The following TGFA variants were observed in gnomAD, a reference collection of about 807,000 sequenced individuals.
TGFA encodes the protein transforming growth factor alpha, also known as protransforming growth factor alpha.
A neutral mutation model predicts 21.7 loss-of-function variants in TGFA; 12 were observed. The observed-to-expected ratio is 0.55, with a 90% CI of 0.35 to 0.90. The LOEUF is 0.90. TGFA is among the 40% of genes least tolerant of loss of function. The pLI, the probability that TGFA is intolerant of heterozygous loss-of-function variation, is 0.01. For synonymous variants in TGFA, 79 were observed against 88.1 expected (o/e 0.90, Z 0.58); for missense variants, 178 against 210.8 (o/e 0.84, Z 0.96).
At chr2:70,476,111 A>AAAAAAG in intron 2 of TGFA, among the ~76,000 whole-genome samples, 1 of 148,708 alleles carries the variant, frequency 6.7e-6, no homozygotes, top group East Asian at 2.0e-4. Context: ...AAAAAAATTA[A>AAAAAAG]GAAAATTACA....
At chr2:70,450,918 T>A in intron 5 of TGFA, 52 bp from the exon 6 acceptor site, 8 of 1,591,324 alleles carry the variant, frequency 5.0e-6, no homozygotes, top group Non-Finnish European at 6.9e-6. Flanking sequence ...CCTGGCCACG[T>A]TGGGAAAATA....
rs1030744360 is a variant in TGFA, at chr2:70,515,026, G to C, written c.41-114C>G. On this transcript the variant is annotated intron_variant, in intron 1 of 5. Coordinates refer to ENST00000295400, the MANE Select transcript of TGFA (RefSeq NM_003236.4). ...CAAAGGTTCGGTAGTTTCACAGAGT[G>C]GCCGGTAGACAGGCTCAGCTACATA... The C allele has an allele frequency of 7.8e-6, 7 of 897,022 alleles. No homozygotes were observed. In the South Asian group the frequency reaches 1.1e-4, roughly 14 times the overall value. The allele number at this position is 897,022 out of a possible 1,614,324, so 55.6% of individuals were successfully genotyped here. A position where few individuals can be genotyped will look rare whatever the true frequency, so the allele number is the denominator to read the frequency against.
At chr2:70,523,191 C>T (rs1672530171) in intron 1 of TGFA, among the ~76,000 whole-genome samples, 1 of 152,124 alleles carries the variant, frequency 6.6e-6, no homozygotes. Context: ...TATTTTCCTA[C>T]CCTTAACTCA....
chr2:70,509,706 G>A (rs893711275), intron 2 of TGFA, among the ~76,000 whole-genome samples: 2 of 152,174 alleles, frequency 1.3e-5, no homozygotes, highest in African/African-American at 4.8e-5. Flanking sequence ...ATAGCAGATG[G>A]AAGCCTGGAG....
chr2:70,514,966 T>C, intron 1 of TGFA, 54 bp from the exon 2 acceptor site: 1 of 1,558,796 alleles, frequency 6.4e-7, no homozygotes, highest in Middle Eastern at 1.7e-4. Context: ...GCAAATGATG[T>C]CCTCAGACGC....
At chr2:70,455,907 A>ATGGTT (rs1407151378) in intron 4 of TGFA, among the ~76,000 whole-genome samples, 7 of 152,246 alleles carry the variant, frequency 4.6e-5, no homozygotes, top group Admixed American at 1.3e-4. Context: ...GATGGTCATC[A>ATGGTT]GCCTGTAACA....
chr2:70,499,549 A>G (rs1010679505), intron 2 of TGFA, among the ~76,000 whole-genome samples: 3 of 152,246 alleles, frequency 2.0e-5, no homozygotes, highest in Admixed American at 2.0e-4. Flanking sequence ...GGTGATTCTT[A>G]TGCCAACAGC....
chr2:70,486,219 T>C (rs1008535179), intron 2 of TGFA, among the ~76,000 whole-genome samples: 3 of 152,178 alleles, frequency 2.0e-5, no homozygotes, highest in African/African-American at 7.2e-5. Flanking sequence ...TAGACTTAGA[T>C]GGTGAAACAA....
intron 1 of TGFA, among the ~76,000 whole-genome samples, chr2:70,529,595 G>C (rs848963): frequency 0.39 from 54,848 of 141,992 alleles, 10,473 homozygotes; most frequent in Middle Eastern, 0.47. Flanking sequence ...GAATCCCCCC[G>C]CCCCAGTCCT....
At chr2:70,541,301 T>C (rs929306718) in intron 1 of TGFA, among the ~76,000 whole-genome samples, 2 of 152,264 alleles carry the variant, frequency 1.3e-5, no homozygotes, top group Admixed American at 1.3e-4. Flanking sequence ...TATATTTATA[T>C]GTTTGCCACA....
chr2:70,461,015 G>A (rs1553491405), intron 3 of TGFA, among the ~76,000 whole-genome samples: 1 of 152,114 alleles, frequency 6.6e-6, no homozygotes, highest in African/African-American at 2.4e-5. Flanking sequence ...GAGTCCAGTG[G>A]CTCTTGTCAT....
chr2:70,545,328 A>C (rs1257088651), intron 1 of TGFA, among the ~76,000 whole-genome samples: 1 of 152,228 alleles, frequency 6.6e-6, no homozygotes, highest in East Asian at 1.9e-4. Flanking sequence ...TTAAACTGCT[A>C]GTAGGGCAGA....
chr2:70,508,854 G>T (rs1435484683), intron 2 of TGFA, among the ~76,000 whole-genome samples: 1 of 152,190 alleles, frequency 6.6e-6, no homozygotes, highest in Non-Finnish European at 1.5e-5. Flanking sequence ...GTCTGTTAAG[G>T]TGTTGCAGCC....
chr2:70,513,039 G>A (rs1224178753), intron 2 of TGFA, among the ~76,000 whole-genome samples: 3 of 152,172 alleles, frequency 2.0e-5, no homozygotes, highest in Non-Finnish European at 2.9e-5. Context: ...TTATACCTCA[G>A]TTCTACCCAA....
intron 1 of TGFA, among the ~76,000 whole-genome samples, chr2:70,543,158 T>C (rs1332585704): frequency 2.6e-5 from 4 of 151,910 alleles, no homozygotes; most frequent in African/African-American, 7.3e-5. Context: ...CCTCTAAATA[T>C]CATCAAGAAA....
chr2:70,457,854 C>T, intron 3 of TGFA, among the ~76,000 whole-genome samples: 1 of 152,110 alleles, frequency 6.6e-6, no homozygotes, highest in East Asian at 1.9e-4. Flanking sequence ...CTGGTGAGGA[C>T]TTCTTAACAG....
intron 3 of TGFA, among the ~76,000 whole-genome samples, chr2:70,456,949 TTTAG>T (rs1670252445): frequency 6.6e-6 from 1 of 152,134 alleles, no homozygotes; most frequent in Non-Finnish European, 1.5e-5. Flanking sequence ...CTTCTTCAAG[TTTAG>T]TTAGTTCTTC....
intron 1 of TGFA, among the ~76,000 whole-genome samples, chr2:70,525,536 A>G (rs765018711): frequency 6.6e-6 from 1 of 152,212 alleles, no homozygotes; most frequent in Non-Finnish European, 1.5e-5. Flanking sequence ...TACTTCTTGC[A>G]GCTCCACATT....
intron 3 of TGFA, among the ~76,000 whole-genome samples, chr2:70,458,136 TAAC>T (rs1670295565): frequency 6.6e-6 from 1 of 152,040 alleles, no homozygotes; most frequent in African/African-American, 2.4e-5. Flanking sequence ...TTGATTTTAA[TAAC>T]AAAATTACAT....
Sources: gnomAD v4.1 joint callset for allele counts (sites outside exome capture counted in the v4.1 genomes callset) on GRCh38, gnomAD v4.1.1 for gene constraint, MANE v1.5 for transcripts, NCBI Gene and HGNC (gene_info 2026-07-23, HGNC 2026-07-21) for gene names.